PPP2R2B: variants seen among roughly 807,000 people sequenced by gnomAD.
The protein encoded by PPP2R2B is serine/threonine-protein phosphatase 2A 55 kDa regulatory subunit B beta isoform.
PPP2R2B carries 5 observed loss-of-function variants against 46.0 expected under a neutral mutation model. The observed-to-expected ratio is 0.11, with a 90% CI of 0.06 to 0.23. The LOEUF is 0.23. PPP2R2B is among the 10% of genes least tolerant of loss of function. PPP2R2B has a pLI of 1.00. For synonymous variants in PPP2R2B, 215 were observed against 206.7 expected (o/e 1.04, Z -0.34); for missense variants, 367 against 575.0 (o/e 0.64, Z 3.70).
At chr5:146,638,152 G>A in intron 7 of PPP2R2B, 99 bp downstream of exon 7, 1 of 1,244,064 alleles carries the variant, frequency 8.0e-7, no homozygotes, top group South Asian at 1.7e-5. Flanking sequence ...TACTCCTAGT[G>A]TGTCTGGTGT....
At chr5:146,856,483 A>G (rs907365433) in intron 2 of PPP2R2B, 4 of 1,542,168 alleles carry the variant, frequency 2.6e-6, no homozygotes, top group Non-Finnish European at 3.6e-6. Context: ...GTAGGTATAA[A>G]TAATAATACG....
chr5:146,721,022 A>AT (rs1780767382), intron 2 of PPP2R2B, among the ~76,000 whole-genome samples: 1 of 152,158 alleles, frequency 6.6e-6, no homozygotes. Context: ...CAGATAATTT[A>AT]TTTTTTATTT....
At chr5:147,078,552 C>A (rs112763274) in intron 2 of PPP2R2B, among the ~76,000 whole-genome samples, 7,803 of 152,106 alleles carry the variant, frequency 0.051, 362 homozygotes, top group African/African-American at 0.12. Context: ...CTTTGGGAGG[C>A]CAAGGCAGGC....
intron 2 of PPP2R2B, among the ~76,000 whole-genome samples, chr5:147,074,761 C>T (rs1361846229): frequency 6.6e-6 from 1 of 152,080 alleles, no homozygotes; most frequent in East Asian, 1.9e-4. Flanking sequence ...TTGGCTTTTA[C>T]TTTAGGGTAT....
At chr5:146,627,066 A>AT (rs1040895784) in intron 7 of PPP2R2B, among the ~76,000 whole-genome samples, 1 of 151,036 alleles carries the variant, frequency 6.6e-6, no homozygotes, top group African/African-American at 2.4e-5. Flanking sequence ...AGCTTCAGAC[A>AT]TGGGGGTGAG....
intron 1 of PPP2R2B, among the ~76,000 whole-genome samples, chr5:146,899,109 C>A (rs1348528680): frequency 1.3e-5 from 2 of 151,152 alleles, no homozygotes; most frequent in Non-Finnish European, 2.9e-5. Context: ...TTTGACCCAG[C>A]CATCCCATTA....
At chr5:146,789,643 A>G (rs1302758359) in intron 2 of PPP2R2B, among the ~76,000 whole-genome samples, 1 of 152,000 alleles carries the variant, frequency 6.6e-6, no homozygotes, top group African/African-American at 2.4e-5. Flanking sequence ...TCAAGGAGAG[A>G]GAGGCAATAC....
chr5:146,662,832 A>C (rs1379935495), intron 5 of PPP2R2B, among the ~76,000 whole-genome samples: 3 of 152,170 alleles, frequency 2.0e-5, no homozygotes, highest in African/African-American at 7.2e-5. Context: ...AGTTCATGAA[A>C]ATTAGTAAAA....
intron 2 of PPP2R2B, among the ~76,000 whole-genome samples, chr5:146,737,427 G>C (rs1384071998): frequency 6.7e-6 from 1 of 150,342 alleles, no homozygotes; most frequent in Non-Finnish European, 1.5e-5. Flanking sequence ...CAAGACTGTA[G>C]AGAGTATTTA....
intron 2 of PPP2R2B, among the ~76,000 whole-genome samples, chr5:146,748,254 C>CT (rs559841982): frequency 2.6e-3 from 380 of 148,624 alleles, no homozygotes; most frequent in East Asian, 0.014. Flanking sequence ...AAAGCTTGTA[C>CT]TTTTTTTTTT....
intron 9 of PPP2R2B, among the ~76,000 whole-genome samples, chr5:146,590,564 C>T (rs1248994370): frequency 1.3e-5 from 2 of 152,036 alleles, no homozygotes; most frequent in Non-Finnish European, 1.5e-5. Context: ...CCCAGTCCTA[C>T]CTACCTCCCA....
rs191202778 is a variant in PPP2R2B, at chr5:146,619,263, G to A, written c.791-18803C>T. Among the ~76,000 whole-genome samples, 79 of 147,026 alleles carry A rather than the reference G, an allele frequency of 5.4e-4. 1 individual carries two copies. Among genetic ancestry groups the A allele is most frequent in the Middle Eastern group, 6.9e-3 (2 of 288 alleles). On this transcript the variant is annotated intron_variant, in intron 7 of 9. Coordinates refer to ENST00000394411, the MANE Select transcript of PPP2R2B (RefSeq NM_181675.4). ...AGTTTCCACCTGAGGTCAGCAGTTC[G>A]AAGCCAGCCTGGCCAACAAGGCAAA... is the stretch of plus-strand genomic sequence containing the variant.
At chr5:146,686,005 C>A (rs950288220) in intron 5 of PPP2R2B, among the ~76,000 whole-genome samples, 2 of 152,070 alleles carry the variant, frequency 1.3e-5, no homozygotes, top group Admixed American at 1.3e-4. Context: ...TCTTAAAAAG[C>A]AGAGCTGTAG....
chr5:146,964,574 G>A (rs1186578904), intron 1 of PPP2R2B, among the ~76,000 whole-genome samples: 1 of 151,942 alleles, frequency 6.6e-6, no homozygotes, highest in Non-Finnish European at 1.5e-5. Context: ...CACCCAGACT[G>A]GAGTGCAGTG....
At chr5:146,845,315 T>TTTTTTTTG (rs1554144666) in intron 2 of PPP2R2B, among the ~76,000 whole-genome samples, 15 of 125,504 alleles carry the variant, frequency 1.2e-4, no homozygotes, top group African/African-American at 2.0e-4. Flanking sequence ...CTTTTTTTTG[T>TTTTTTTTG]TTTTTTTTGA....
At chr5:146,668,912 G>A (rs930609963) in intron 5 of PPP2R2B, among the ~76,000 whole-genome samples, 27 of 152,184 alleles carry the variant, frequency 1.8e-4, no homozygotes, top group African/African-American at 6.0e-4. Flanking sequence ...TTTGAGGACT[G>A]TAGACTCCAT....
chr5:146,638,446 G>A, intron 6 of PPP2R2B, 31 bp from the exon 7 acceptor site: 1 of 1,551,124 alleles, frequency 6.4e-7, no homozygotes, highest in Non-Finnish European at 8.8e-7. Context: ...AAGGAACCAG[G>A]AGAAGGAGGC....
intron 1 of PPP2R2B, among the ~76,000 whole-genome samples, chr5:146,993,055 G>C (rs111704646): frequency 0.018 from 2,773 of 151,204 alleles, 64 homozygotes; most frequent in African/African-American, 0.063. Flanking sequence ...TGATTCTTGT[G>C]CCTCAGTCTC....
At chr5:147,033,030 C>T (rs1292800414) in intron 1 of PPP2R2B, among the ~76,000 whole-genome samples, 3 of 152,160 alleles carry the variant, frequency 2.0e-5, no homozygotes. Context: ...CCAACATCTA[C>T]TGTTTTCTGA....
Sources: allele counts gnomAD v4.1 joint callset (sites outside exome capture counted in the v4.1 genomes callset), GRCh38; gene constraint gnomAD v4.1.1; transcripts MANE v1.5; gene names NCBI Gene and HGNC (gene_info 2026-07-23, HGNC 2026-07-21).